The following GABRB2 variants were observed in gnomAD, a reference collection of about 807,000 sequenced individuals.
The protein encoded by GABRB2 is gamma-aminobutyric acid type A receptor subunit beta2.
In GABRB2, 16 loss-of-function variants were observed where a neutral mutation model predicts 54.7. The observed-to-expected ratio is 0.29, with a 90% CI of 0.20 to 0.44. The LOEUF is 0.44. Among genes scored for constraint, GABRB2 ranks in the 20% least tolerant of loss-of-function variants. GABRB2 has a pLI of 1.00. For synonymous variants in GABRB2, 244 were observed against 233.8 expected (o/e 1.04, Z -0.40); for missense variants, 355 against 644.0 (o/e 0.55, Z 4.86).
At chr5:161,378,736 A>G (rs1228434348) in intron 5 of GABRB2, among the ~76,000 whole-genome samples, 3 of 94,264 alleles carry the variant, frequency 3.2e-5, no homozygotes, top group Non-Finnish European at 7.8e-5. Context: ...TGAAAGTTAC[A>G]GCTACTAGAA....
intron 4 of GABRB2, among the ~76,000 whole-genome samples, chr5:161,440,313 A>G (rs1261159227): frequency 6.6e-6 from 1 of 152,146 alleles, no homozygotes; most frequent in Non-Finnish European, 1.5e-5. Flanking sequence ...TGGATGAAAA[A>G]ACAAGACTCA....
chr5:161,479,317 C>T (rs186262442), intron 3 of GABRB2, among the ~76,000 whole-genome samples: 21 of 152,118 alleles, frequency 1.4e-4, no homozygotes, highest in East Asian at 5.8e-4. Context: ...CCTCCTTTGG[C>T]GAGAATGACC....
intron 5 of GABRB2, among the ~76,000 whole-genome samples, chr5:161,396,819 G>A (rs1756016438): frequency 6.6e-6 from 1 of 152,110 alleles, no homozygotes; most frequent in Non-Finnish European, 1.5e-5. Flanking sequence ...CACATTACCA[G>A]ATTGTAATTA....
intron 4 of GABRB2, among the ~76,000 whole-genome samples, chr5:161,418,436 T>A (rs1020563933): frequency 1.3e-5 from 2 of 152,150 alleles, no homozygotes; most frequent in African/African-American, 4.8e-5. Flanking sequence ...TTCTCTTTTT[T>A]AAATTGTAAC....
At chr5:161,363,893 T>A (rs1754897338) in intron 5 of GABRB2, among the ~76,000 whole-genome samples, 2 of 152,318 alleles carry the variant, frequency 1.3e-5, no homozygotes, top group South Asian at 4.1e-4. Context: ...TAAAGAAGAT[T>A]CTAAAAGAAG....
chr5:161,456,683 TAAA>T lies in GABRB2; in HGVS notation c.458+2938_458+2940del, dbSNP rs1371547979. On this transcript the variant is annotated intron_variant, in intron 4 of 9. Transcript: ENST00000393959. ...CCATTTTGCTGGGTTAAAGTTAATA[TAAA>T]TAAGATAATATATGTAAAGTTCTGG... Among the ~76,000 whole-genome samples, 857 of 152,290 alleles carry T rather than the reference TAAA, an allele frequency of 5.6e-3. 8 individuals carry two copies. Among genetic ancestry groups the T allele is most frequent in the African/African-American group, 0.019 (789 of 41,548 alleles).
At chr5:161,511,800 T>C (rs1022963578) in intron 3 of GABRB2, among the ~76,000 whole-genome samples, 5 of 152,156 alleles carry the variant, frequency 3.3e-5, no homozygotes, top group Middle Eastern at 3.4e-3. Context: ...CCATTATGAA[T>C]GTCTCTGTGC....
intron 2 of GABRB2, 39 bp from the exon 3 acceptor site, chr5:161,545,333 C>A (rs1423853578): frequency 1.3e-6 from 2 of 1,520,320 alleles, no homozygotes; most frequent in South Asian, 2.4e-5. Context: ...TTTCTTTGAA[C>A]TTCATTCATT....
At chr5:161,448,407 C>T (rs1757696925) in intron 4 of GABRB2, among the ~76,000 whole-genome samples, 1 of 152,048 alleles carries the variant, frequency 6.6e-6, no homozygotes, top group African/African-American at 2.4e-5. Context: ...GAGTGAGACC[C>T]TGTATCTAAA....
At chr5:161,506,797 T>G (rs1294980109) in intron 3 of GABRB2, among the ~76,000 whole-genome samples, 1 of 152,084 alleles carries the variant, frequency 6.6e-6, no homozygotes, top group Non-Finnish European at 1.5e-5. Flanking sequence ...ACTTAATATA[T>G]TTTATATTTT....
chr5:161,331,188 A>T (rs988790794), intron 7 of GABRB2, 61 bp from the exon 8 acceptor site: 3 of 1,492,246 alleles, frequency 2.0e-6, no homozygotes, highest in Non-Finnish European at 2.7e-6. Flanking sequence ...CTTTCTTAAT[A>T]GCTGGAAAGG....
chr5:161,331,191 T>C (rs576997128), intron 7 of GABRB2, 64 bp from the exon 8 acceptor site: 8 of 1,481,808 alleles, frequency 5.4e-6, no homozygotes, highest in East Asian at 4.6e-5. Context: ...TCTTAATAGC[T>C]GGAAAGGTGA....
At chr5:161,324,352 T>G (rs540209193) in intron 9 of GABRB2, among the ~76,000 whole-genome samples, 1 of 152,236 alleles carries the variant, frequency 6.6e-6, no homozygotes, top group Non-Finnish European at 1.5e-5. Context: ...GTTATAGAAC[T>G]AAATAAAATC....
At chr5:161,303,882 C>A (rs1045391576) in intron 9 of GABRB2, among the ~76,000 whole-genome samples, 13 of 152,180 alleles carry the variant, frequency 8.5e-5, no homozygotes, top group African/African-American at 3.1e-4. Flanking sequence ...CTTCTGCTAA[C>A]TCCCTCCCCC....
At chr5:161,348,578 C>G (rs539776106) in intron 5 of GABRB2, among the ~76,000 whole-genome samples, 2 of 151,904 alleles carry the variant, frequency 1.3e-5, no homozygotes, top group African/African-American at 4.8e-5. Flanking sequence ...AAAGGGTCTC[C>G]GAAACCCCCA....
At chr5:161,448,957 T>C (rs761916705) in intron 4 of GABRB2, among the ~76,000 whole-genome samples, 53 of 152,304 alleles carry the variant, frequency 3.5e-4, no homozygotes, top group Admixed American at 5.9e-4. Flanking sequence ...TAGAGCCATA[T>C]TCATCCATTA....
intron 8 of GABRB2, chr5:161,329,717 G>A (rs1422737881): frequency 1.3e-5 from 2 of 152,152 alleles, no homozygotes; most frequent in African/African-American, 4.8e-5. Context: ...GGTTTAAGAG[G>A]ATTGATTAAT....
chr5:161,433,566 T>C (rs1463409356), intron 4 of GABRB2, among the ~76,000 whole-genome samples: 1 of 151,920 alleles, frequency 6.6e-6, no homozygotes, highest in Non-Finnish European at 1.5e-5. Context: ...GCTGTGATCC[T>C]GTCACTGCAC....
chr5:161,459,817 G>C lies in GABRB2; in HGVS notation c.265C>G (p.Gln89Glu). The change falls in exon 4 of 10, where the codon CAA becomes GAA. Residue 89 changes from glutamine to glutamate, a missense_variant. This residue lies in a region of GABRB2 where 42 missense variants were observed against 99.7 expected (regional missense o/e 0.42). Transcript: ENST00000393959. ...MDYTLTMYFQ[Q>E]AWRDKRLSYN... is the part of the protein sequence containing the mutation. ...GACAGCCTCTTATCTCTCCAGGCTT[G>C]TTGAAAGTACATTGTCAAGGTATAA... 1 of 1,612,802 alleles carries C rather than the reference G, an allele frequency of 6.2e-7. No individual in the cohort carries two copies. Among genetic ancestry groups the C allele is most frequent in the Non-Finnish European group, 8.5e-7 (1 of 1,178,924 alleles).
Sources: allele counts gnomAD v4.1 joint callset (sites outside exome capture counted in the v4.1 genomes callset), GRCh38; gene constraint gnomAD v4.1.1; regional missense constraint gnomAD v4.1.1; transcripts MANE v1.5; gene names NCBI Gene and HGNC (gene_info 2026-07-23, HGNC 2026-07-21).